HDC: variants seen among roughly 807,000 people sequenced by gnomAD.
HDC encodes histidine decarboxylase.
In HDC, 27 loss-of-function variants were observed where a neutral mutation model predicts 64.4. The ratio of observed to expected loss-of-function variants is 0.42; its 90% CI spans 0.31 to 0.58. The LOEUF is 0.58. HDC is among the 20% of genes least tolerant of loss of function. The pLI is 0.16. For synonymous variants in HDC, 305 were observed against 314.2 expected (o/e 0.97, Z 0.31); for missense variants, 711 against 833.9 (o/e 0.85, Z 1.81).
intron 3 of HDC, among the ~76,000 whole-genome samples, chr15:50,257,869 A>G (rs1366285514): frequency 1.3e-5 from 2 of 152,088 alleles, no homozygotes; most frequent in African/African-American, 4.8e-5. Flanking sequence ...GCCCAGGGGG[A>G]TGTTTTCCTA....
Position 50,258,455 on chromosome 15 carries a change from G to C in HDC, c.267C>G (p.Ser89=). 1 of 1,613,944 alleles carries C rather than the reference G, an allele frequency of 6.2e-7. No homozygotes were observed. The highest frequency in any genetic ancestry group is 8.5e-7 in the Non-Finnish European group (1 of 1,179,900). ...CATCAGCCAGCATGTCTCCTAGCAGGGAGGGCCAAGAGGTGAGGGCTGGGT... is the reference window on the plus strand; with the variant it reads ...CATCAGCCAGCATGTCTCCTAGCAGCGAGGGCCAAGAGGTGAGGGCTGGGT... The part of the protein sequence containing the change: ...AYYPALTSWP[S]LLGDMLADAI... Residue 89 remains serine, a synonymous_variant, in exon 3 of 12, where the codon TCC becomes TCG. Transcript: ENST00000267845.
chr15:50,258,795 G>A (rs903963810), intron 2 of HDC, among the ~76,000 whole-genome samples: 1 of 152,170 alleles, frequency 6.6e-6, no homozygotes, highest in African/African-American at 2.4e-5. Context: ...CAGTAACCCA[G>A]TTGTGGGATT....
intron 3 of HDC, 52 bp from the exon 4 acceptor site, chr15:50,257,599 C>G: frequency 6.2e-7 from 1 of 1,606,408 alleles, no homozygotes; most frequent in East Asian, 2.2e-5. Flanking sequence ...CACTGAGGTG[C>G]CCCCACGAGC....
intron 3 of HDC, 98 bp from the exon 4 acceptor site, chr15:50,257,645 G>A: frequency 7.1e-7 from 1 of 1,401,284 alleles, no homozygotes; most frequent in Non-Finnish European, 1.0e-6. Context: ...GTGTCAATGG[G>A]AACATTTCTG....
At chr15:50,254,479 T>A (rs769047486) in intron 5 of HDC, 51 bp downstream of exon 5, 1 of 1,613,444 alleles carries the variant, frequency 6.2e-7, no homozygotes. Flanking sequence ...GGACCAAGAT[T>A]CCAGAAGCCA....
intron 1 of HDC, among the ~76,000 whole-genome samples, chr15:50,263,996 A>G (rs1412916668): frequency 6.6e-6 from 1 of 152,142 alleles, no homozygotes; most frequent in Non-Finnish European, 1.5e-5. Context: ...ATCCACTTCA[A>G]TTTTGATTGT....
At chr15:50,265,007 T>A (rs1444388506) in intron 1 of HDC, among the ~76,000 whole-genome samples, 3 of 152,226 alleles carry the variant, frequency 2.0e-5, no homozygotes, top group African/African-American at 7.2e-5. Flanking sequence ...TAGGAGGATA[T>A]AAAACATTAT....
chr15:50,262,091 G>A (rs2045711888), intron 2 of HDC, among the ~76,000 whole-genome samples: 1 of 152,032 alleles, frequency 6.6e-6, no homozygotes, highest in Non-Finnish European at 1.5e-5. Flanking sequence ...CTCTAAACAT[G>A]TGTGGTTCAG....
In HDC at chr15:50,242,940, G is replaced by A; in HGVS notation, c.1309C>T (p.Pro437Ser). 1 of 1,613,984 alleles carries A rather than the reference G, an allele frequency of 6.2e-7. No individual in the cohort carries two copies. Among genetic ancestry groups the A allele is most frequent in the South Asian group, 1.1e-5 (1 of 91,072 alleles). Residue 437 changes from proline (P) to serine (S), a missense_variant, in exon 12 of 12, where the codon CCG becomes TCG. This residue lies in a region of HDC where 483 missense variants were observed against 540.9 expected (regional missense o/e 0.89). Transcript: ENST00000267845. ...ATTAACTTGTCCTGGATAGTGGCCG[G>A]GATGAGGAAGAGACGGCCAGCTTTA... ...IAKAGRLFLIPATIQDKLIIR... is the reference protein window; with the variant it reads ...IAKAGRLFLISATIQDKLIIR...
intron 4 of HDC, 51 bp downstream of exon 4, chr15:50,257,374 T>C (rs775159471): frequency 3.1e-6 from 5 of 1,613,164 alleles, no homozygotes; most frequent in Non-Finnish European, 4.2e-6. Context: ...GTTTGGCTTG[T>C]CTTTCGCTAC....
At chr15:50,264,211 T>G (rs2045740218) in intron 1 of HDC, among the ~76,000 whole-genome samples, 1 of 152,204 alleles carries the variant, frequency 6.6e-6, no homozygotes, top group Non-Finnish European at 1.5e-5. Flanking sequence ...ATTGAATCAG[T>G]TATTATTCAT....
rs2045399170 is a variant in HDC at position 50,242,011 on chromosome 15, G to C, written c.*249C>G. ...ATATCATGTCACAAGCTGAACCACA[G>C]AAGCTGCCTGTCTACCCTCGGCCCT... On this transcript the variant is annotated 3_prime_UTR_variant, in exon 12 of 12. Transcript: ENST00000267845. 2 of 579,412 alleles carry C rather than the reference G, an allele frequency of 3.5e-6. No homozygotes were observed. Among genetic ancestry groups the C allele is most frequent in the South Asian group, 4.3e-5 (2 of 46,612 alleles). The allele number at this position is 579,412 out of a possible 1,614,324, so 35.9% of individuals were successfully genotyped here.
At chr15:50,261,384 C>T (rs1213203265) in intron 2 of HDC, among the ~76,000 whole-genome samples, 1 of 152,180 alleles carries the variant, frequency 6.6e-6, no homozygotes, top group Non-Finnish European at 1.5e-5. Context: ...AGGAGATAAT[C>T]TTATCAGGAT....
In HDC at chr15:50,242,409, T is replaced by G. The variant is rs1251880635; in HGVS notation, c.1840A>C (p.Ile614Leu). Residue 614 changes from isoleucine to leucine, a missense_variant, in exon 12 of 12, where the codon ATC (isoleucine) becomes CTC (leucine). By Grantham distance (5) the Ile-to-Leu change is conservative. Around this residue, in one of 3 missense-constraint regions of HDC, gnomAD observed 483 missense variants for 540.9 expected, o/e 0.89. Coordinates refer to ENST00000267845, the MANE Select transcript of HDC (RefSeq NM_002112.4). ...ATGTCTTCTGGAAACCTGGAAAAGATTCTGACCCTGGAGGAGCCCCCATTC... is the reference window on the plus strand; with the variant it reads ...ATGTCTTCTGGAAACCTGGAAAAGAGTCTGACCCTGGAGGAGCCCCCATTC... ...VKNGGSSRVR[I>L]FSRFPEDMMM... The G allele has an allele frequency of 6.2e-7, 1 of 1,614,066 alleles. No individual in the cohort carries two copies. The highest frequency in any genetic ancestry group is 2.2e-5 in the East Asian group (1 of 44,896).
At chr15:50,252,896 G>A in intron 7 of HDC, 122 bp from the exon 8 acceptor site, 4 of 995,884 alleles carry the variant, frequency 4.0e-6, no homozygotes, top group Middle Eastern at 3.1e-4. Flanking sequence ...GAGAAACGGA[G>A]GGGTGTGGAG....
At chr15:50,255,830 C>G (rs1283482661) in intron 4 of HDC, among the ~76,000 whole-genome samples, 3 of 152,112 alleles carry the variant, frequency 2.0e-5, no homozygotes, top group African/African-American at 7.2e-5. Context: ...ACAACACCTT[C>G]CATCTGTATT....
At chr15:50,245,768 G>A (rs62020328) in intron 10 of HDC, among the ~76,000 whole-genome samples, 17,899 of 151,998 alleles carry the variant, frequency 0.12, 1,318 homozygotes, top group Non-Finnish European at 0.17. Flanking sequence ...GATGGTATGC[G>A]CCTGTAGTCC....
At chr15:50,257,910 C>T (rs1595709754) in intron 3 of HDC, among the ~76,000 whole-genome samples, 1 of 149,936 alleles carries the variant, frequency 6.7e-6, no homozygotes, top group South Asian at 2.1e-4. Context: ...GCCCACCCAC[C>T]CACACACCCA....
chr15:50,253,291 G>A, intron 7 of HDC: 1 of 451,220 alleles, frequency 2.2e-6, no homozygotes, highest in Non-Finnish European at 4.1e-6. Context: ...CTGTATTTTG[G>A]ATATAGCCTG....
Sources: allele counts gnomAD v4.1 joint callset (sites outside exome capture counted in the v4.1 genomes callset), GRCh38; gene constraint gnomAD v4.1.1; regional missense constraint gnomAD v4.1.1; transcripts MANE v1.5; gene names NCBI Gene and HGNC (gene_info 2026-07-23, HGNC 2026-07-21).